Variants in STX11 observed in about 807,000 individuals in gnomAD.
The protein encoded by STX11 is syntaxin-11.
A neutral mutation model predicts 19.9 loss-of-function variants in STX11; 21 were observed. That is an observed-to-expected ratio of 1.06 (90% confidence interval 0.75 to 1.52). The LOEUF (loss-of-function observed/expected upper bound fraction) is 1.52, where lower values mean the gene tolerates loss of function less well. STX11 is among the 40% of genes most tolerant of loss of function. STX11 has a pLI of 0.00. For synonymous variants in STX11, 193 were observed against 174.4 expected (o/e 1.11, Z -0.84); for missense variants, 438 against 405.9 (o/e 1.08, Z -0.68).
At chr6:144,142,195 A>G in the STX11 span, among the ~76,000 whole-genome samples, 48 of 152,054 alleles carry the variant, frequency 3.2e-4, no homozygotes, top group South Asian at 9.9e-3. Context: ...ATATACGACG[A>G]TGTGAATATG....
Position 144,150,528 on chromosome 6 carries a change from C to G in STX11, c.-181C>G. ...AGCCGGCGGCGCCCAGATGCGGCCG[C>G]GGCGGCGCGGAGCTCGGGCGGCCGT... On this transcript the variant is annotated 5_prime_UTR_variant, in exon 1 of 2. Coordinates refer to ENST00000367568, the MANE Select transcript of STX11 (RefSeq NM_003764.4). The G allele has an allele frequency of 7.1e-6, 7 of 985,394 alleles. No homozygotes were observed. The highest frequency in any genetic ancestry group is 1.7e-5 in the African/African-American group (1 of 57,338). The allele number at this position is 985,394 out of a possible 1,614,324, so 61.0% of individuals were successfully genotyped here.
In STX11 at chr6:144,172,391, T is replaced by TTTTC. The variant is rs1437919358; in HGVS notation, c.-5-14232_-5-14231insTTTC. ...GGAGGCTAGTCTGAGCTTTCTCACA[T>TTTTC]AATGGTTTCAGTGTTCCCAGAGCAG... is the stretch of plus-strand genomic sequence containing the variant. On this transcript the variant is annotated intron_variant, in intron 1 of 1. Coordinates refer to ENST00000367568, the MANE Select transcript of STX11 (RefSeq NM_003764.4). This position sits in a 1 kb window ranked among gnomAD's most constrained non-coding sequence, Gnocchi z 4.2. Among the ~76,000 whole-genome samples the TTTTC allele has an allele frequency of 1.3e-5, 2 of 152,164 alleles. No homozygotes were observed. The highest frequency in any genetic ancestry group is 2.9e-5 in the Non-Finnish European group (2 of 68,046).
In STX11 at chr6:144,186,990, C is replaced by T. The variant is rs1440365349; in HGVS notation, c.363C>T (p.His121=). 3 of 1,609,856 alleles carry T rather than the reference C, an allele frequency of 1.9e-6. No homozygotes were observed. The highest frequency in any genetic ancestry group is 1.7e-5 in the Admixed American group (1 of 59,948). The part of the protein sequence containing the change: ...SEAAEAQHGP[H]SAVARISRAQ... ...CGGCTGAGGCCCAGCACGGCCCGCA[C>T]TCGGCAGTGGCGCGCATTTCGCGGG... is the stretch of plus-strand genomic sequence containing the variant. The change falls in exon 2 of 2, where the codon CAC becomes CAT. Residue 121 remains histidine (H), a synonymous_variant. Transcript: ENST00000367568.
rs377534901 is a variant in STX11, at chr6:144,160,772, G to A, written c.-6+10069G>A. 6.6e-6 allele frequency among the ~76,000 whole-genome samples: 1 copy of A among 152,058 alleles called. No homozygotes were observed. Among genetic ancestry groups the A allele is most frequent in the Non-Finnish European group, 1.5e-5 (1 of 68,028 alleles). On this transcript the variant is annotated intron_variant, in intron 1 of 1. Coordinates refer to ENST00000367568, the MANE Select transcript of STX11 (RefSeq NM_003764.4). The surrounding 1 kb of genome is among the most constrained non-coding windows in gnomAD (Gnocchi z 4.3). ...CACCATTCAGCATCTTGACCACAAA[G>A]ACACCAAAAAAACTGGAACTATAAA...
At chr6:144,186,206 T>C (rs1222045577) in intron 1 of STX11, among the ~76,000 whole-genome samples, 5 of 146,894 alleles carry the variant, frequency 3.4e-5, no homozygotes, top group African/African-American at 5.0e-5. Context: ...TTAGGAGATA[T>C]ACCTAATGTA....
At position 144,161,284 on chromosome 6, in the gene STX11, T is replaced by C. The variant is rs367867761; in HGVS notation, c.-6+10581T>C. On this transcript the variant is annotated intron_variant, in intron 1 of 1. Coordinates refer to ENST00000367568, the MANE Select transcript of STX11 (RefSeq NM_003764.4). ...ATTCCTTAAGGAATCAAAATTATAA[T>C]AGTGTCACTTCATCTGAAAACATTA... 1.3e-4 allele frequency among the ~76,000 whole-genome samples: 20 copies of C among 152,342 alleles called. No individual in the cohort carries two copies. In the East Asian group the frequency reaches 2.9e-3, roughly 22 times the overall value.
intron 1 of STX11, among the ~76,000 whole-genome samples, chr6:144,179,059 A>C (rs1801841226): frequency 6.6e-6 from 1 of 152,216 alleles, no homozygotes; most frequent in Non-Finnish European, 1.5e-5. Flanking sequence ...GGGAGAACTT[A>C]CAATCATGGT....
Position 144,187,501 on chromosome 6 carries a change from C to T in STX11, c.*10C>T, listed in dbSNP as rs770560469. 6.2e-7 allele frequency: 1 copy of T among 1,611,596 alleles called. No individual in the cohort carries two copies. Among genetic ancestry groups the T allele is most frequent in the Admixed American group, 1.7e-5 (1 of 60,014 alleles). On this transcript the variant is annotated 3_prime_UTR_variant, in exon 2 of 2. Transcript: ENST00000367568. This position sits in a 1 kb window ranked among gnomAD's most constrained non-coding sequence, Gnocchi z 5.6. ...TCCCTGCCTCAAGTAGCAGGCCGGC[C>T]CGGGCCGCCACCGCCCATCCCAGAC...
Position 144,184,955 on chromosome 6 carries a change from A to G in STX11, c.-5-1668A>G, listed in dbSNP as rs1801990625. Among the ~76,000 whole-genome samples, 1 of 152,210 alleles carries G rather than the reference A, an allele frequency of 6.6e-6. No homozygotes were observed. Among genetic ancestry groups the G allele is most frequent in the Non-Finnish European group, 1.5e-5 (1 of 68,042 alleles). On this transcript the variant is annotated intron_variant, in intron 1 of 1. Coordinates refer to ENST00000367568, the MANE Select transcript of STX11 (RefSeq NM_003764.4). This position sits in a 1 kb window ranked among gnomAD's most constrained non-coding sequence, Gnocchi z 6.5. ...TCAATTTTGTTCAAAGTGAGGAAAC[A>G]GTTGAATATCAAGAAATTCAGACCA...
At position 144,185,206 on chromosome 6, in the gene STX11, G is replaced by A. The variant is rs575533230; in HGVS notation, c.-5-1417G>A. ...TAATGATCATGGTAGATGAAAGGCC[G>A]TGGTTAATATTTCACCATTTTCCAT... On this transcript the variant is annotated intron_variant, in intron 1 of 1. Transcript: ENST00000367568. Among the ~76,000 whole-genome samples, 11 of 152,300 alleles carry A rather than the reference G, an allele frequency of 7.2e-5. No homozygotes were observed. The South Asian group carries it at 2.3e-3, about 32-fold the overall frequency.
At chr6:144,157,848 G>C (rs954431267) in intron 1 of STX11, among the ~76,000 whole-genome samples, 6 of 151,968 alleles carry the variant, frequency 3.9e-5, no homozygotes, top group Non-Finnish European at 7.4e-5. Flanking sequence ...ACAATTTTGT[G>C]ATATTAGGGT....
In STX11 at chr6:144,151,434, C is replaced by G. The variant is rs2128745806; in HGVS notation, c.-6+731C>G. 4.1e-6 allele frequency: 4 copies of G among 985,262 alleles called. No individual in the cohort carries two copies. The highest frequency in any genetic ancestry group is 4.8e-6 in the Non-Finnish European group (4 of 829,788). 61.0% of individuals were successfully genotyped at this position (985,262 alleles called of 1,614,324 possible). A position where few individuals can be genotyped will look rare whatever the true frequency, so the allele number is the denominator to read the frequency against. On this transcript the variant is annotated intron_variant, in intron 1 of 1. Coordinates refer to ENST00000367568, the MANE Select transcript of STX11 (RefSeq NM_003764.4). The surrounding 1 kb of genome is among the most constrained non-coding windows in gnomAD (Gnocchi z 4.6). Reference sequence around the variant, plus strand: ...TCCAAAAATGAGTCACAGGGCTGCTCTCTTAATTGTGAGACTTTGTTAATG... The same window carrying G: ...TCCAAAAATGAGTCACAGGGCTGCTGTCTTAATTGTGAGACTTTGTTAATG...
chr6:144,185,578 T>C (rs969168681), intron 1 of STX11, among the ~76,000 whole-genome samples: 1 of 152,190 alleles, frequency 6.6e-6, no homozygotes, highest in African/African-American at 2.4e-5. Context: ...AACATGAACA[T>C]TCTGCTTGAG....
chr6:144,184,880 C>A lies in STX11; in HGVS notation c.-5-1743C>A, dbSNP rs1801989237. On this transcript the variant is annotated intron_variant, in intron 1 of 1. Transcript: ENST00000367568. The surrounding 1 kb of genome is among the most constrained non-coding windows in gnomAD (Gnocchi z 6.5). ...GAAATATATATATTAAGTATCTTAA[C>A]CTCTTGTCTGTCATATATTATAATT... Among the ~76,000 whole-genome samples, 1 of 152,130 alleles carries A rather than the reference C, an allele frequency of 6.6e-6. No individual in the cohort carries two copies. Among genetic ancestry groups the A allele is most frequent in the African/African-American group, 2.4e-5 (1 of 41,418 alleles).
rs1303656107 is a variant in STX11 at position 144,172,542 on chromosome 6, A to G, written c.-5-14081A>G. ...TGATTCAAAGGGTAGAGAGACCGAC[A>G]CCACTTCTTGATGGGACGTGCTGCT... On this transcript the variant is annotated intron_variant, in intron 1 of 1. Transcript: ENST00000367568. This position sits in a 1 kb window ranked among gnomAD's most constrained non-coding sequence, Gnocchi z 4.2. Among the ~76,000 whole-genome samples, 1 of 152,182 alleles carries G rather than the reference A, an allele frequency of 6.6e-6. No individual in the cohort carries two copies. Among genetic ancestry groups the G allele is most frequent in the Non-Finnish European group, 1.5e-5 (1 of 68,022 alleles).
chr6:144,148,089 T>TA (rs1419726948), upstream of STX11, among the ~76,000 whole-genome samples: 1 of 152,124 alleles, frequency 6.6e-6, no homozygotes, highest in East Asian at 1.9e-4. Flanking sequence ...AACGGTAGAT[T>TA]AAAAAAACAA....
At position 144,187,527 on chromosome 6, in the gene STX11, C is replaced by G. The variant is rs759639403; in HGVS notation, c.*36C>G. The G allele has an allele frequency of 2.5e-6, 4 of 1,611,356 alleles. No individual in the cohort carries two copies. On this transcript the variant is annotated 3_prime_UTR_variant, in exon 2 of 2. Coordinates refer to ENST00000367568, the MANE Select transcript of STX11 (RefSeq NM_003764.4). This position sits in a 1 kb window ranked among gnomAD's most constrained non-coding sequence, Gnocchi z 5.6. ...CGGGCCGCCACCGCCCATCCCAGACCATGGAGCGCGCTGGGAAGGACGCAC... is the reference window on the plus strand; with the variant it reads ...CGGGCCGCCACCGCCCATCCCAGACGATGGAGCGCGCTGGGAAGGACGCAC...
In STX11 at chr6:144,184,567, T is replaced by C. The variant is rs1467340279; in HGVS notation, c.-5-2056T>C. Among the ~76,000 whole-genome samples the C allele has an allele frequency of 4.6e-5, 7 of 152,254 alleles. No homozygotes were observed. Among genetic ancestry groups the C allele is most frequent in the Admixed American group, 4.6e-4 (7 of 15,284 alleles). ...GAAGTCTTTTGTGACTATATTTTTATACTTTTGCTAAAGATTATTTAGTGC... is the reference window on the plus strand; with the variant it reads ...GAAGTCTTTTGTGACTATATTTTTACACTTTTGCTAAAGATTATTTAGTGC... On this transcript the variant is annotated intron_variant, in intron 1 of 1. Coordinates refer to ENST00000367568, the MANE Select transcript of STX11 (RefSeq NM_003764.4). This position sits in a 1 kb window ranked among gnomAD's most constrained non-coding sequence, Gnocchi z 6.5.
At chr6:144,173,773 C>T (rs1002260766) in intron 1 of STX11, among the ~76,000 whole-genome samples, 3 of 152,204 alleles carry the variant, frequency 2.0e-5, no homozygotes, top group African/African-American at 7.2e-5. Flanking sequence ...TGACTGCTCT[C>T]GCAGTTTCCT....
Sources: allele counts gnomAD v4.1 joint callset (sites outside exome capture counted in the v4.1 genomes callset), GRCh38; gene constraint gnomAD v4.1.1; non-coding constraint Gnocchi (gnomAD v3.1); transcripts MANE v1.5; gene names NCBI Gene and HGNC (gene_info 2026-07-23, HGNC 2026-07-21).